The following ESRRG variants were observed in gnomAD, a reference collection of about 807,000 sequenced individuals.
ESRRG encodes estrogen-related receptor gamma.
ESRRG carries 13 observed loss-of-function variants against 44.0 expected under a neutral mutation model. That is an observed-to-expected ratio of 0.30 (90% CI 0.19 to 0.47). The LOEUF (loss-of-function observed/expected upper bound fraction) is 0.47. ESRRG is among the 20% of genes least tolerant of loss of function. The pLI, the probability that ESRRG is intolerant of heterozygous loss-of-function variation, is 1.00. For synonymous variants in ESRRG, 215 were observed against 214.6 expected (o/e 1.00, Z -0.02); for missense variants, 395 against 580.6 (o/e 0.68, Z 3.29).
chr1:216,886,337 G>A (rs576074263), intron 2 of ESRRG, among the ~76,000 whole-genome samples: 6 of 152,272 alleles, frequency 3.9e-5, no homozygotes, highest in African/African-American at 1.2e-4. Flanking sequence ...TGATCTATTT[G>A]GCTGGATAAC....
At chr1:216,539,712 T>C (rs1275122658) in intron 5 of ESRRG, among the ~76,000 whole-genome samples, 2 of 152,024 alleles carry the variant, frequency 1.3e-5, no homozygotes, top group Non-Finnish European at 2.9e-5. Context: ...CTATAAAATA[T>C]TTGAAAAAAT....
intron 1 of ESRRG, among the ~76,000 whole-genome samples, chr1:216,944,486 C>G (rs567110449): frequency 6.6e-6 from 1 of 152,216 alleles, no homozygotes; most frequent in Non-Finnish European, 1.5e-5. Flanking sequence ...CACATGATCT[C>G]CATTCATTCA....
Position 216,939,343 on chromosome 1 carries a change from C to CAAAAAAAAAAAAAAAAAAAAAAAAAAA in ESRRG, c.-14+212_-14+238dup, listed in dbSNP as rs201260010. Among the ~76,000 whole-genome samples the CAAAAAAAAAAAAAAAAAAAAAAAAAAA allele has an allele frequency of 3.2e-4, 16 of 50,076 alleles. 2 individuals carry two copies. In the East Asian group the frequency reaches 3.8e-3, roughly 12 times the overall value. The allele number at this position is 50,076 out of a possible 152,430, so 32.9% of individuals were successfully genotyped here. A position where few individuals can be genotyped will look rare whatever the true frequency, so the allele number is the denominator to read the frequency against. ...TCTTCCAGAATATCCTACACATAGA[C>CAAAAAAAAAAAAAAAAAAAAAAAAAAA]AAAAAAAAAAAAAAAAAAAAAAAAA... On this transcript the variant is annotated intron_variant, in intron 2 of 7. Transcript: ENST00000359162.
chr1:216,801,241 T>C (rs1303783717), intron 2 of ESRRG, among the ~76,000 whole-genome samples: 1 of 152,148 alleles, frequency 6.6e-6, no homozygotes, highest in Non-Finnish European at 1.5e-5. Flanking sequence ...AAAAAGTTAA[T>C]TGAATTTTTT....
chr1:217,066,318 G>C (rs572346869), intron 1 of ESRRG, among the ~76,000 whole-genome samples: 257 of 143,324 alleles, frequency 1.8e-3, no homozygotes, highest in African/African-American at 6.4e-3. Flanking sequence ...GCAGTGGCGC[G>C]ATCTCGGCTC....
intron 2 of ESRRG, among the ~76,000 whole-genome samples, chr1:216,665,831 A>C (rs2073796435): frequency 6.6e-6 from 1 of 152,170 alleles, no homozygotes; most frequent in African/African-American, 2.4e-5. Context: ...AAATTGTATA[A>C]ATCAGCTCCA....
intron 1 of ESRRG, among the ~76,000 whole-genome samples, chr1:216,697,492 T>C (rs1017303154): frequency 2.0e-5 from 3 of 152,220 alleles, no homozygotes; most frequent in African/African-American, 7.2e-5. Flanking sequence ...TCTCAGTACC[T>C]GAGATTAAGA....
At chr1:216,842,302 C>G (rs2095665760) in intron 2 of ESRRG, among the ~76,000 whole-genome samples, 1 of 152,050 alleles carries the variant, frequency 6.6e-6, no homozygotes, top group Non-Finnish European at 1.5e-5. Context: ...GTTCGTAGTT[C>G]AGAAAGACAT....
chr1:216,764,177 T>C (rs1178195431), intron 2 of ESRRG, among the ~76,000 whole-genome samples: 1 of 94,618 alleles, frequency 1.1e-5, no homozygotes, highest in East Asian at 2.4e-4. Flanking sequence ...CCTAATTGAT[T>C]CTTTTTTTTT....
intron 2 of ESRRG, among the ~76,000 whole-genome samples, chr1:216,786,004 G>A (rs1001050456): frequency 1.3e-5 from 2 of 152,050 alleles, no homozygotes; most frequent in African/African-American, 4.8e-5. Flanking sequence ...TTTAGGAACA[G>A]TACAATCAAT....
At chr1:216,752,361 G>T (rs2092102165) in intron 2 of ESRRG, among the ~76,000 whole-genome samples, 1 of 152,004 alleles carries the variant, frequency 6.6e-6, no homozygotes, top group Non-Finnish European at 1.5e-5. Context: ...AGGAGAGAAT[G>T]AATTTCTTAT....
At chr1:216,572,576 A>G (rs1052404990) in intron 3 of ESRRG, among the ~76,000 whole-genome samples, 8 of 152,060 alleles carry the variant, frequency 5.3e-5, no homozygotes, top group Admixed American at 3.3e-4. Context: ...GAAAAAAAAA[A>G]TTTTAAAAAT....
At chr1:216,692,398 G>GA (rs1282310119) in intron 1 of ESRRG, among the ~76,000 whole-genome samples, 1 of 151,226 alleles carries the variant, frequency 6.6e-6, no homozygotes, top group Non-Finnish European at 1.5e-5. Context: ...CTGAAAAATA[G>GA]AAAAAACCTT....
chr1:216,587,183 T>C (rs1036390573), intron 3 of ESRRG, among the ~76,000 whole-genome samples: 20 of 152,176 alleles, frequency 1.3e-4, no homozygotes, highest in Non-Finnish European at 2.8e-4. Flanking sequence ...TTATAACTTG[T>C]TTCACAATCC....
At chr1:216,914,363 G>T (rs1383061439) in intron 2 of ESRRG, among the ~76,000 whole-genome samples, 1 of 152,096 alleles carries the variant, frequency 6.6e-6, no homozygotes, top group Non-Finnish European at 1.5e-5. Context: ...TGTTATATGA[G>T]CCTCATCACA....
intron 1 of ESRRG, among the ~76,000 whole-genome samples, chr1:216,983,231 A>AT (rs1218127489): frequency 1.3e-5 from 2 of 150,218 alleles, no homozygotes; most frequent in South Asian, 2.1e-4. Context: ...AGTGGTATTG[A>AT]TTTTTTTATT....
chr1:216,957,860 T>G (rs1053974955), intron 1 of ESRRG, among the ~76,000 whole-genome samples: 1 of 152,210 alleles, frequency 6.6e-6, no homozygotes, highest in African/African-American at 2.4e-5. Context: ...TGATGAGTTT[T>G]GACTATTGTA....
chr1:216,509,603 A>G (rs1025497178), intron 6 of ESRRG, among the ~76,000 whole-genome samples: 1 of 152,230 alleles, frequency 6.6e-6, no homozygotes, highest in African/African-American at 2.4e-5. Flanking sequence ...AAGAACAAAT[A>G]GCAGAGAGAT....
intron 3 of ESRRG, among the ~76,000 whole-genome samples, chr1:216,627,053 A>G (rs978140605): frequency 6.6e-6 from 1 of 152,170 alleles, no homozygotes. Flanking sequence ...TCCAAAGCAG[A>G]TTTTCTAACC....
Sources: allele counts gnomAD v4.1 joint callset (sites outside exome capture counted in the v4.1 genomes callset), GRCh38; gene constraint gnomAD v4.1.1; transcripts MANE v1.5; gene names NCBI Gene and HGNC (gene_info 2026-07-23, HGNC 2026-07-21).